The following CHRDL1 variants were observed in gnomAD, a reference collection of about 807,000 sequenced individuals.
CHRDL1 encodes the protein chordin like 1.
A neutral mutation model predicts 40.9 loss-of-function variants in CHRDL1; 19 were observed. That is an observed-to-expected ratio of 0.46 (90% CI 0.32 to 0.68). The LOEUF (loss-of-function observed/expected upper bound fraction) is 0.68, where lower values mean the gene tolerates loss of function less well. Ranked by LOEUF, CHRDL1 falls within the 30% of genes least tolerant of loss-of-function variation. The pLI, the probability that CHRDL1 is intolerant of heterozygous loss-of-function variation, is 0.03. For synonymous variants in CHRDL1, 136 were observed against 123.4 expected (o/e 1.10, Z -0.68); for missense variants, 329 against 352.1 (o/e 0.93, Z 0.53).
intron 3 of CHRDL1, among the ~76,000 whole-genome samples, chrX:110,762,289 T>G (rs1199088658): frequency 8.9e-6 from 1 of 112,038 alleles, no homozygotes; most frequent in African/African-American, 3.2e-5. Context: ...TCTTCTTTTA[T>G]TTTATGAGAT....
intron 4 of CHRDL1, among the ~76,000 whole-genome samples, chrX:110,748,944 G>T (rs186175514): frequency 6.3e-5 from 7 of 110,810 alleles, no homozygotes; most frequent in African/African-American, 2.0e-4. Context: ...ACATAAAAAT[G>T]GTTAAAATGG....
chrX:110,758,202 C>A (rs755341207), intron 4 of CHRDL1, among the ~76,000 whole-genome samples: 2 of 103,380 alleles, frequency 1.9e-5, no homozygotes, highest in Non-Finnish European at 4.0e-5. Context: ...TTTACCAGAG[C>A]GCCCCCACCC....
chrX:110,783,717 C>T (rs980880467), intron 2 of CHRDL1, among the ~76,000 whole-genome samples: 1 of 111,505 alleles, frequency 9.0e-6, no homozygotes, highest in Non-Finnish European at 1.9e-5. Context: ...TATCAGCTTG[C>T]CCTCATTAGA....
At chrX:110,716,282 T>G (rs780800387) in intron 6 of CHRDL1, among the ~76,000 whole-genome samples, 1 of 110,576 alleles carries the variant, frequency 9.0e-6, no homozygotes, top group Non-Finnish European at 1.9e-5. Context: ...ACAACAACCA[T>G]ATTCTTTTTT....
chrX:110,689,474 A>C lies in CHRDL1; in HGVS notation c.779-671T>G, dbSNP rs1238618143. ...TCTATATATCTATATATATCTATAT[A>C]TCTATATATCTATATCTCTATATAT... is the stretch of plus-strand genomic sequence containing the variant. On this transcript the variant is annotated intron_variant, in intron 8 of 11. Transcript: ENST00000372042. Among the ~76,000 whole-genome samples the C allele has an allele frequency of 1.9e-3, 93 of 49,031 alleles. 2 individuals are homozygous for C. Among genetic ancestry groups the C allele is most frequent in the African/African-American group, 0.012 (31 of 2,489 alleles). 42.6% of individuals were successfully genotyped at this position (49,031 alleles called of 115,157 possible).
chrX:110,691,172 C>A (rs2070268942), intron 8 of CHRDL1, among the ~76,000 whole-genome samples: 1 of 106,865 alleles, frequency 9.4e-6, no homozygotes, highest in East Asian at 2.9e-4. Flanking sequence ...CGTGATGGCG[C>A]CATTACACCC....
chrX:110,713,057 A>C (rs1239999229), intron 6 of CHRDL1, among the ~76,000 whole-genome samples: 1 of 111,044 alleles, frequency 9.0e-6, no homozygotes, highest in Admixed American at 9.6e-5. Context: ...TTTTTGAGCC[A>C]ATCTTTCCTC....
chrX:110,686,677 C>T (rs2070023175), intron 9 of CHRDL1, among the ~76,000 whole-genome samples: 1 of 109,289 alleles, frequency 9.2e-6, no homozygotes, highest in Admixed American at 9.8e-5. Flanking sequence ...CTTGTAATCC[C>T]AGCACTTTGG....
chrX:110,703,254 G>A (rs1297063126), intron 6 of CHRDL1, among the ~76,000 whole-genome samples: 2 of 111,822 alleles, frequency 1.8e-5, no homozygotes, highest in East Asian at 5.6e-4. Flanking sequence ...TGAATAACCA[G>A]GCTGGAGCAC....
intron 2 of CHRDL1, among the ~76,000 whole-genome samples, chrX:110,782,250 C>A (rs2089958581): frequency 8.9e-6 from 1 of 112,291 alleles, no homozygotes; most frequent in Non-Finnish European, 1.9e-5. Context: ...ATTCTTACAA[C>A]AACCCTACAA....
At chrX:110,758,103 A>T (rs2089486380) in intron 4 of CHRDL1, among the ~76,000 whole-genome samples, 1 of 105,695 alleles carries the variant, frequency 9.5e-6, no homozygotes, top group Admixed American at 1.0e-4. Flanking sequence ...ACCAAAAAAC[A>T]AAAACAAAAA....
At chrX:110,715,790 CT>C (rs914490987) in intron 6 of CHRDL1, among the ~76,000 whole-genome samples, 7 of 112,660 alleles carry the variant, frequency 6.2e-5, no homozygotes, top group Non-Finnish European at 1.3e-4. Flanking sequence ...TAGTGACCAA[CT>C]GGTTATATTA....
rs1381359802 is a variant in CHRDL1 at position 110,759,676 on chromosome X, A to G, written c.286T>C (p.Cys96Arg). Residue 96 changes from cysteine to arginine, a missense_variant, in exon 4 of 12, where the codon TGC (cysteine) becomes CGC (arginine). Coordinates refer to ENST00000372042, the MANE Select transcript of CHRDL1 (RefSeq NM_001143981.2). ...ATTGCTTTACCTGGGCAGCGAGGGC[A>G]GCACAGATGAGGAATATGCACAGGA... ...LSPVHIPHLC[C>R]PRCPEDSLPP... 6.7e-6 allele frequency: 8 copies of G among 1,194,870 alleles called. No individual in the cohort carries two copies. In the Admixed American group the frequency reaches 1.7e-4, roughly 26 times the overall value.
chrX:110,686,214 A>G (rs1241245323), intron 9 of CHRDL1, among the ~76,000 whole-genome samples: 2 of 111,254 alleles, frequency 1.8e-5, no homozygotes, highest in Non-Finnish European at 3.8e-5. Flanking sequence ...GTTTTAATAA[A>G]CATTACCAAC....
chrX:110,753,276 AC>A (rs1175446514), intron 4 of CHRDL1, among the ~76,000 whole-genome samples: 1 of 112,179 alleles, frequency 8.9e-6, no homozygotes, highest in Non-Finnish European at 1.9e-5. Context: ...CCTTGAAAAC[AC>A]TATGCTAAGT....
intron 8 of CHRDL1, among the ~76,000 whole-genome samples, chrX:110,693,519 T>C (rs35598362): frequency 0.48 from 52,318 of 108,567 alleles, 11,144 homozygotes; most frequent in African/African-American, 0.79. Flanking sequence ...ACTTGGCTAA[T>C]ATTTTTTCAT....
rs1417307475 is a variant in CHRDL1 at position 110,681,494 on chromosome X, T to A, written c.1144A>T (p.Thr382Ser). Residue 382 changes from threonine (T) to serine (S), a missense_variant, in exon 10 of 12, where the codon ACT (threonine) becomes TCT (serine). Coordinates refer to ENST00000372042, the MANE Select transcript of CHRDL1 (RefSeq NM_001143981.2). ...TTGTCTTGCTCACCCTTTCGAATAG[T>A]CCAAACGTGGACCTCTACCTGAGGT... ...RPPQVEVHVW[T>S]IRKGILQHFH... 3 of 1,209,453 alleles carry A rather than the reference T, an allele frequency of 2.5e-6. No homozygotes were observed. Among genetic ancestry groups the A allele is most frequent in the Non-Finnish European group, 3.4e-6 (3 of 893,639 alleles).
At chrX:110,689,588 C>CTA (rs1389639662) in intron 8 of CHRDL1, among the ~76,000 whole-genome samples, 824 of 9,456 alleles carry the variant, frequency 0.087, 202 homozygotes, top group South Asian at 0.17. Flanking sequence ...ATCTATATAT[C>CTA]TATATATCTA....
intron 2 of CHRDL1, among the ~76,000 whole-genome samples, chrX:110,775,881 T>C (rs1009022737): frequency 9.0e-6 from 1 of 111,346 alleles, no homozygotes; most frequent in African/African-American, 3.3e-5. Flanking sequence ...ATATCAATTA[T>C]ACTTCGTTTA....
Sources: allele counts gnomAD v4.1 joint callset (sites outside exome capture counted in the v4.1 genomes callset), GRCh38; gene constraint gnomAD v4.1.1; transcripts MANE v1.5; gene names NCBI Gene and HGNC (gene_info 2026-07-23, HGNC 2026-07-21).